The following NAV1 variants were observed in gnomAD, a reference collection of about 807,000 sequenced individuals.
NAV1 encodes pore membrane and/or filament interacting like protein 3.
NAV1 carries 18 observed loss-of-function variants against 175.2 expected under a neutral mutation model. The ratio of observed to expected loss-of-function variants is 0.10; its 90% CI spans 0.07 to 0.15. The LOEUF is 0.15. Ranked by LOEUF, NAV1 falls within the 10% of genes least tolerant of loss-of-function variation. The pLI is 1.00. For missense variants in NAV1, 1,731 were observed against 2,436.6 expected, an observed-to-expected ratio of 0.71 and a Z score of 6.10; for synonymous variants, 897 against 978.7, an observed-to-expected ratio of 0.92 and a Z score of 1.56.
At chr1:201,590,679 C>T (rs694162) in intron 2 of NAV1, among the ~76,000 whole-genome samples, 14 of 152,228 alleles carry the variant, frequency 9.2e-5, no homozygotes, top group East Asian at 1.9e-4. Context: ...GGCTTGCGCG[C>T]GGGGCCAGGA....
At chr1:201,553,336 C>T (rs1038515342) in intron 1 of NAV1, among the ~76,000 whole-genome samples, 6 of 152,222 alleles carry the variant, frequency 3.9e-5, no homozygotes, top group Non-Finnish European at 8.8e-5. Flanking sequence ...CCATCTGCCT[C>T]TTTGTAGAGA....
chr1:201,578,023 T>A (rs1415128144), intron 1 of NAV1, among the ~76,000 whole-genome samples: 1 of 152,246 alleles, frequency 6.6e-6, no homozygotes, highest in East Asian at 1.9e-4. Flanking sequence ...TGTGGGTTTA[T>A]GTCTCTTGCC....
intron 3 of NAV1, among the ~76,000 whole-genome samples, chr1:201,767,757 C>T (rs573400684): frequency 1.3e-5 from 2 of 152,102 alleles, no homozygotes; most frequent in African/African-American, 4.8e-5. Context: ...GATGGAACAT[C>T]ACTTGCTAAT....
intron 2 of NAV1, among the ~76,000 whole-genome samples, chr1:201,590,293 A>G (rs1243432021): frequency 6.6e-6 from 1 of 152,212 alleles, no homozygotes; most frequent in Non-Finnish European, 1.5e-5. Context: ...GGGGTAGGAA[A>G]TGTAACCAGG....
chr1:201,572,187 C>T (rs529436913), intron 1 of NAV1, among the ~76,000 whole-genome samples: 2 of 152,130 alleles, frequency 1.3e-5, no homozygotes, highest in African/African-American at 4.8e-5. Context: ...GTTTTTGGTC[C>T]TCCAGGCTGA....
intron 2 of NAV1, among the ~76,000 whole-genome samples, chr1:201,602,490 G>A (rs1409857182): frequency 6.6e-6 from 1 of 152,078 alleles, no homozygotes; most frequent in African/African-American, 2.4e-5. Context: ...ACAGGTGTGT[G>A]CCACCAGGCT....
chr1:201,704,451 C>T (rs1234848675), intron 1 of NAV1, among the ~76,000 whole-genome samples: 2 of 152,194 alleles, frequency 1.3e-5, no homozygotes, highest in African/African-American at 2.4e-5. Context: ...GGTTCTCTTG[C>T]TGCAAGGCTG....
At position 201,787,396 on chromosome 1, in the gene NAV1, G is replaced by A. The variant is rs2102732497; in HGVS notation, c.2995+819G>A. 6.6e-6 allele frequency among the ~76,000 whole-genome samples: 1 copy of A among 152,312 alleles called. No homozygotes were observed. The highest frequency in any genetic ancestry group is 2.1e-4 in the South Asian group (1 of 4,832). On this transcript the variant is annotated intron_variant, in intron 9 of 29. Transcript: ENST00000367296. The surrounding 1 kb of genome is among the most constrained non-coding windows in gnomAD (Gnocchi z 4.3). The stretch of plus-strand genomic sequence containing the variant: ...CAAGGACCTGTAACACACCCATGCA[G>A]TGACTGTGGGGAATTTGAGGAAAGA...
exon 1 of NAV1, chr1:201,648,424 C>T (rs866594234): frequency 2.0e-4 from 250 of 1,229,966 alleles, no homozygotes; most frequent in Middle Eastern, 1.2e-3. Context: ...CCTATCGCTC[C>T]CCGGCTTCCC....
intron 13 of NAV1, chr1:201,792,574 T>G (rs1677188207): frequency 6.6e-6 from 1 of 152,164 alleles, no homozygotes; most frequent in Admixed American, 6.6e-5. Context: ...GGGCCTCTCA[T>G]GAGTAGTCTT....
At chr1:201,777,015 TGC>T (rs1426970447) in intron 3 of NAV1, among the ~76,000 whole-genome samples, 1 of 152,020 alleles carries the variant, frequency 6.6e-6, no homozygotes, top group African/African-American at 2.4e-5. Flanking sequence ...CATAGAACAA[TGC>T]CTTTAGATTC....
chr1:201,610,989 G>A (rs939897640), intron 2 of NAV1, among the ~76,000 whole-genome samples: 1 of 152,140 alleles, frequency 6.6e-6, no homozygotes, highest in African/African-American at 2.4e-5. Flanking sequence ...GAGTCCCACA[G>A]CTTGTGGACA....
chr1:201,824,650 C>T (rs1249760632), exon 30 of NAV1: 1 of 151,916 alleles, frequency 6.6e-6, no homozygotes, highest in Non-Finnish European at 1.5e-5. Flanking sequence ...ATACTAGATC[C>T]TTCCAGTTTG....
chr1:201,816,003 G>T (rs561131485), intron 28 of NAV1, among the ~76,000 whole-genome samples: 1 of 152,074 alleles, frequency 6.6e-6, no homozygotes, highest in Non-Finnish European at 1.5e-5. Context: ...CTCCCAAAGT[G>T]CTGGGATTAT....
rs779420279 is a variant in NAV1, at chr1:201,808,130, G to A, written c.3826G>A (p.Val1276Met). 1.7e-5 allele frequency: 28 copies of A among 1,614,012 alleles called. No individual in the cohort carries two copies. Among genetic ancestry groups the A allele is most frequent in the African/African-American group, 2.7e-5 (2 of 74,902 alleles). The stretch of plus-strand genomic sequence containing the variant: ...CATCAAGTCCTCCACCTCGTCCTCC[G>A]TGGGCACTGATGTCACCGAGTAAGT... The change falls in exon 18 of 30, where the codon GTG (valine) becomes ATG (methionine). Residue 1276 changes from valine (V) to methionine (M), a missense_variant. This residue lies in a region of NAV1 where 146 missense variants were observed against 176.8 expected (regional missense o/e 0.83). Transcript: ENST00000367296. This position sits in a 1 kb window ranked among gnomAD's most constrained non-coding sequence, Gnocchi z 5.5.
chr1:201,808,100 C>G lies in NAV1; in HGVS notation c.3796C>G (p.Pro1266Ala), dbSNP rs751331499. 5 of 1,614,100 alleles carry G rather than the reference C, an allele frequency of 3.1e-6. No individual in the cohort carries two copies. Among genetic ancestry groups the G allele is most frequent in the Non-Finnish European group, 4.2e-6 (5 of 1,180,054 alleles). ...GCATGGTTCTACAGAGACTGCTTCA[C>G]CCTCCATCAAGTCCTCCACCTCGTC... The change falls in exon 18 of 30, where the codon CCC (proline) becomes GCC (alanine). Residue 1266 changes from proline to alanine, a missense_variant. Pro to Ala is a conservative substitution (Grantham distance 27). Coordinates refer to ENST00000367296, the Ensembl canonical transcript of NAV1. This position sits in a 1 kb window ranked among gnomAD's most constrained non-coding sequence, Gnocchi z 5.5.
In NAV1 at chr1:201,782,293, C is replaced by G; in HGVS notation, c.1781C>G (p.Ser594Trp). The G allele has an allele frequency of 6.2e-7, 1 of 1,614,202 alleles. No homozygotes were observed. Among genetic ancestry groups the G allele is most frequent in the Non-Finnish European group, 8.5e-7 (1 of 1,180,036 alleles). Residue 594 changes from serine to tryptophan, a missense_variant, in exon 6 of 30, where the codon TCG becomes TGG. By Grantham distance (177) the Ser-to-Trp change is radical (BLOSUM62 -3). Coordinates refer to ENST00000367296, the Ensembl canonical transcript of NAV1. The surrounding 1 kb of genome is among the most constrained non-coding windows in gnomAD (Gnocchi z 5.4). ...CTGAGTGATGCTAAGAAGCCCCCCT[C>G]GGGCATTGCTCGCCCCTCCACTTCG...
chr1:201,689,381 A>G (rs1670810327), intron 1 of NAV1, among the ~76,000 whole-genome samples: 1 of 152,166 alleles, frequency 6.6e-6, no homozygotes, highest in African/African-American at 2.4e-5. Flanking sequence ...GACAGGATAT[A>G]TTCTCTCTTA....
rs1427524696 is a variant in NAV1, at chr1:201,746,025, G to A, written c.1226+27270G>A. On this transcript the variant is annotated intron_variant, in intron 3 of 29. Coordinates refer to ENST00000367296, the Ensembl canonical transcript of NAV1. Reference sequence around the variant, plus strand: ...TTTTTTTTTGTAGAGGCCGGGTTTTGCCGTGTTGTCCAGGCTGTTTTCTAA... The same window carrying A: ...TTTTTTTTTGTAGAGGCCGGGTTTTACCGTGTTGTCCAGGCTGTTTTCTAA... 8.6e-5 allele frequency among the ~76,000 whole-genome samples: 13 copies of A among 151,122 alleles called. No homozygotes were observed. In the East Asian group the frequency reaches 2.5e-3, roughly 29 times the overall value.
Sources: gnomAD v4.1 joint callset for allele counts (sites outside exome capture counted in the v4.1 genomes callset) on GRCh38, gnomAD v4.1.1 for gene constraint, gnomAD v4.1.1 regional missense constraint, Gnocchi (gnomAD v3.1) non-coding constraint, MANE v1.5 for transcripts, NCBI Gene and HGNC (gene_info 2026-07-23, HGNC 2026-07-21) for gene names.